Variants in CDH13 observed in about 807,000 individuals in gnomAD.
CDH13 encodes the protein cadherin 13.
A neutral mutation model predicts 63.8 loss-of-function variants in CDH13; 24 were observed. The ratio of observed to expected loss-of-function variants is 0.38; its 90% CI spans 0.27 to 0.53. The LOEUF (loss-of-function observed/expected upper bound fraction) is 0.53. Ranked by LOEUF, CDH13 falls within the 20% of genes least tolerant of loss-of-function variation. The probability of loss-of-function intolerance (pLI) is 0.85; values close to 1 mark genes in which losing one functional copy is unlikely to be tolerated. For synonymous variants in CDH13, 503 were observed against 355.3 expected, an observed-to-expected ratio of 1.42 and a Z score of -4.67; for missense variants, 1,049 against 903.1, an observed-to-expected ratio of 1.16 and a Z score of -2.07.
At chr16:83,106,648 A>T (rs55671257) in intron 3 of CDH13, among the ~76,000 whole-genome samples, 3,204 of 152,320 alleles carry the variant, frequency 0.021, 110 homozygotes, top group African/African-American at 0.073. Flanking sequence ...AACTAAAATT[A>T]TGTTTACAGA....
intron 1 of CDH13, among the ~76,000 whole-genome samples, chr16:82,634,172 G>A (rs1217190345): frequency 2.6e-5 from 4 of 152,358 alleles, no homozygotes; most frequent in African/African-American, 9.6e-5. Flanking sequence ...CCACATGCCT[G>A]GGCAGGGCCC....
intron 5 of CDH13, among the ~76,000 whole-genome samples, chr16:83,234,366 G>T (rs1567527121): frequency 6.6e-6 from 1 of 152,168 alleles, no homozygotes; most frequent in Non-Finnish European, 1.5e-5. Flanking sequence ...TCCATTCGTT[G>T]CTTAGCAAGA....
At chr16:83,435,338 C>G (rs968617060) in intron 6 of CDH13, among the ~76,000 whole-genome samples, 1 of 152,168 alleles carries the variant, frequency 6.6e-6, no homozygotes, top group Non-Finnish European at 1.5e-5. Context: ...GCCACTATGC[C>G]TGGCCCCCTA....
chr16:82,865,427 C>T (rs62035201), intron 2 of CDH13, among the ~76,000 whole-genome samples: 30 of 152,362 alleles, frequency 2.0e-4, no homozygotes, highest in African/African-American at 6.5e-4. Flanking sequence ...GGCAGAAGTT[C>T]CCACACCTCA....
rs1298765636 is a variant in CDH13, at chr16:83,799,104, G to T, written c.*4074G>T. 1 of 151,830 alleles carries T rather than the reference G, an allele frequency of 6.6e-6. No homozygotes were observed. The highest frequency in any genetic ancestry group is 1.5e-5 in the Non-Finnish European group (1 of 67,990). 9.4% of individuals were successfully genotyped at this position (151,830 alleles called of 1,614,324 possible). On this transcript the variant is annotated 3_prime_UTR_variant, in exon 14 of 14. Transcript: ENST00000567109. ...AGGCGGGTGGATCACTTAAGGTCAG[G>T]AGTTCAAGACCAGCCTGGCCAGCAT... is the stretch of plus-strand genomic sequence containing the variant.
intron 2 of CDH13, among the ~76,000 whole-genome samples, chr16:82,988,885 G>A (rs2151400053): frequency 6.6e-6 from 1 of 152,236 alleles, no homozygotes; most frequent in East Asian, 1.9e-4. Context: ...CAAAGACAGA[G>A]AGGACATCAG....
intron 3 of CDH13, among the ~76,000 whole-genome samples, chr16:83,077,673 G>T (rs544108424): frequency 4.6e-5 from 7 of 152,108 alleles, no homozygotes; most frequent in Non-Finnish European, 1.0e-4. Flanking sequence ...CTATAAAAAC[G>T]TTCATGCACA....
intron 5 of CDH13, among the ~76,000 whole-genome samples, chr16:83,240,270 G>C (rs1417588160): frequency 6.6e-6 from 1 of 152,108 alleles, no homozygotes; most frequent in Non-Finnish European, 1.5e-5. Context: ...AGGGAACGTA[G>C]GCCTGGGAGG....
chr16:83,169,185 C>CTT (rs148647688), intron 4 of CDH13, among the ~76,000 whole-genome samples: 17 of 148,698 alleles, frequency 1.1e-4, no homozygotes, highest in Admixed American at 1.3e-4. Context: ...CTTAGGTTTC[C>CTT]TTTTTTTTTT....
rs114559275 is a variant in CDH13, at chr16:83,466,348, C to T, written c.782-20129C>T. Among the ~76,000 whole-genome samples the T allele has an allele frequency of 6.5e-3, 991 of 152,150 alleles. 12 individuals are homozygous for T. The highest frequency in any genetic ancestry group is 0.023 in the African/African-American group (960 of 41,490). On this transcript the variant is annotated intron_variant, in intron 6 of 13. Coordinates refer to ENST00000567109, the MANE Select transcript of CDH13 (RefSeq NM_001257.5). Reference sequence around the variant, plus strand: ...GTTTTATTAGGGGCTTACATCCAGGCAAGAGAGTCTAGCGGCAATAAGCTG... The same window carrying T: ...GTTTTATTAGGGGCTTACATCCAGGTAAGAGAGTCTAGCGGCAATAAGCTG...
intron 5 of CDH13, among the ~76,000 whole-genome samples, chr16:83,335,343 A>G (rs1247288077): frequency 1.3e-5 from 2 of 152,048 alleles, no homozygotes; most frequent in Non-Finnish European, 2.9e-5. Flanking sequence ...TCTGGGGGCA[A>G]ATGCTGGCAT....
At chr16:82,758,625 G>A (rs114255145) in intron 1 of CDH13, among the ~76,000 whole-genome samples, 6 of 152,268 alleles carry the variant, frequency 3.9e-5, no homozygotes, top group South Asian at 4.2e-4. Flanking sequence ...GAGGTCACGC[G>A]GCACAGAATA....
chr16:83,630,962 A>G (rs1034985300), intron 8 of CDH13, among the ~76,000 whole-genome samples: 8 of 152,146 alleles, frequency 5.3e-5, no homozygotes, highest in African/African-American at 1.9e-4. Flanking sequence ...AAGGTCAATA[A>G]TATATGGCAA....
intron 4 of CDH13, among the ~76,000 whole-genome samples, chr16:83,167,644 A>G (rs770375170): frequency 2.0e-5 from 3 of 151,506 alleles, no homozygotes; most frequent in Non-Finnish European, 2.9e-5. Context: ...TCTTTTCCCA[A>G]AGCTCTCGTA....
chr16:83,735,171 A>T (rs1432831214), intron 10 of CDH13: 1 of 152,176 alleles, frequency 6.6e-6, no homozygotes, highest in Non-Finnish European at 1.5e-5. Context: ...AATTTTTACA[A>T]CATCCCACGG....
chr16:82,732,656 C>G (rs1220201786), intron 1 of CDH13, among the ~76,000 whole-genome samples: 1 of 152,168 alleles, frequency 6.6e-6, no homozygotes, highest in Non-Finnish European at 1.5e-5. Context: ...GAGATAAAAG[C>G]CAGCAGCAGT....
At chr16:83,080,239 A>T (rs1252879231) in intron 3 of CDH13, among the ~76,000 whole-genome samples, 3 of 152,138 alleles carry the variant, frequency 2.0e-5, no homozygotes, top group Non-Finnish European at 4.4e-5. Context: ...TCAGGGCCCC[A>T]TGTTGCTCAA....
rs188805303 is a variant in CDH13 at position 83,232,614 on chromosome 16, T to C, written c.636+15117T>C. Among the ~76,000 whole-genome samples the C allele has an allele frequency of 5.3e-3, 807 of 151,836 alleles. 18 individuals carry two copies. Among genetic ancestry groups the C allele is most frequent in the Admixed American group, 0.044 (666 of 15,252 alleles). On this transcript the variant is annotated intron_variant, in intron 5 of 13. Coordinates refer to ENST00000567109, the MANE Select transcript of CDH13 (RefSeq NM_001257.5). ...ACACACTTTGCTCTTGCCTTTGCCA[T>C]GTTATACGCCTGCATCCCCTTTGCC...
At chr16:82,637,940 T>A (rs975797338) in intron 1 of CDH13, among the ~76,000 whole-genome samples, 1 of 152,192 alleles carries the variant, frequency 6.6e-6, no homozygotes, top group Non-Finnish European at 1.5e-5. Context: ...CCCTGTCTCA[T>A]GGAGCTTACA....
Sources: gnomAD v4.1 joint callset for allele counts (sites outside exome capture counted in the v4.1 genomes callset) on GRCh38, gnomAD v4.1.1 for gene constraint, MANE v1.5 for transcripts, NCBI Gene and HGNC (gene_info 2026-07-23, HGNC 2026-07-21) for gene names.